Variants in NRXN2 observed in about 807,000 individuals in gnomAD.
The protein encoded by NRXN2 is neurexin-2-beta.
NRXN2 carries 29 observed loss-of-function variants against 128.8 expected under a neutral mutation model. The observed-to-expected ratio is 0.23, with a 90% CI of 0.17 to 0.31. The LOEUF is 0.31. Ranked by LOEUF, NRXN2 falls within the 10% of genes least tolerant of loss-of-function variation. The pLI is 1.00. For synonymous variants in NRXN2, 1,098 were observed against 1,075.2 expected (o/e 1.02, Z -0.41); for missense variants, 1,881 against 2,452.6 (o/e 0.77, Z 4.92).
Position 64,652,246 on chromosome 11 carries a change from C to G in NRXN2, c.2417-92G>C. 4 of 1,485,656 alleles carry G rather than the reference C, an allele frequency of 2.7e-6. No individual in the cohort carries two copies. In the South Asian group the frequency reaches 3.6e-5, roughly 13 times the overall value. 92.0% of individuals were successfully genotyped at this position (1,485,656 alleles called of 1,614,324 possible). Reference sequence around the variant, plus strand: ...TTGGATACACAGACAGCCTCCCCATCCCCGCACATGCCACACATGAACACA... The same window carrying G: ...TTGGATACACAGACAGCCTCCCCATGCCCGCACATGCCACACATGAACACA... On this transcript the variant is annotated intron_variant, in intron 12 of 22. Coordinates refer to ENST00000265459, the MANE Select transcript of NRXN2 (RefSeq NM_015080.4).
intron 22 of NRXN2, among the ~76,000 whole-genome samples, chr11:64,609,737 AG>A (rs2040325737): frequency 6.6e-6 from 1 of 152,170 alleles, no homozygotes. Context: ...CTCCTCTTGC[AG>A]GGGCACCTCT....
chr11:64,615,304 A>G (rs1337981964), intron 22 of NRXN2, among the ~76,000 whole-genome samples: 1 of 152,282 alleles, frequency 6.6e-6, no homozygotes, highest in Non-Finnish European at 1.5e-5. Context: ...GTGGCCCACC[A>G]ATCAGGAACA....
Position 64,661,069 on chromosome 11 carries a change from C to T in NRXN2, c.1869G>A (p.Glu623=). 1.9e-6 allele frequency: 3 copies of T among 1,613,528 alleles called. No individual in the cohort carries two copies. The highest frequency in any genetic ancestry group is 1.1e-5 in the South Asian group (1 of 91,088). Reference sequence around the variant, plus strand: ...GGAGACCGCCCAGGTACAGCTCACTCTCCAGGTCCAGAATCTCGCTGTCTC... The same window carrying T: ...GGAGACCGCCCAGGTACAGCTCACTTTCCAGGTCCAGAATCTCGCTGTCTC... ...ATGDSEILDL[E]SELYLGGLPE... The change falls in exon 10 of 23, where the codon GAG becomes GAA. Residue 623 remains glutamate, a synonymous_variant. Coordinates refer to ENST00000265459, the MANE Select transcript of NRXN2 (RefSeq NM_015080.4).
intron 17 of NRXN2, chr11:64,642,711 TGGCGGCGGCGGCGGTGGA>T: frequency 2.0e-6 from 3 of 1,469,400 alleles, no homozygotes; most frequent in Non-Finnish European, 2.7e-6. Flanking sequence ...GCAGCAGAGG[TGGCGGCGGCGGCGGTGGA>T]GGCGGCGGCA....
intron 9 of NRXN2, among the ~76,000 whole-genome samples, chr11:64,662,680 G>C (rs931346477): frequency 6.6e-6 from 1 of 151,164 alleles, no homozygotes; most frequent in African/African-American, 2.4e-5. Flanking sequence ...TACTCAGGAG[G>C]CTAAGGCAGG....
intron 22 of NRXN2, among the ~76,000 whole-genome samples, chr11:64,611,920 T>TC (rs2135273453): frequency 9.3e-6 from 1 of 107,736 alleles, no homozygotes; most frequent in South Asian, 3.3e-4. Flanking sequence ...CTGCCATGAC[T>TC]CCCCCTCGGT....
At chr11:64,712,592 G>C in intron 2 of NRXN2, 1 of 407,626 alleles carries the variant, frequency 2.5e-6, no homozygotes, top group Non-Finnish European at 5.1e-6. Context: ...CCTTTAATGG[G>C]CCCTGTCCAC....
At chr11:64,676,421 C>A in intron 7 of NRXN2, 1 of 163,034 alleles carries the variant, frequency 6.1e-6, no homozygotes, top group Non-Finnish European at 1.3e-5. Context: ...AAGGCCATGC[C>A]CTCCACCCCT....
At chr11:64,659,825 A>G (rs2048768974) in intron 11 of NRXN2, 1 of 222,050 alleles carries the variant, frequency 4.5e-6, no homozygotes, top group Admixed American at 5.2e-5. Flanking sequence ...TCCACACACC[A>G]ACACACAGAC....
In NRXN2 at chr11:64,630,522, T is replaced by C; in HGVS notation, c.3637A>G (p.Ile1213Val). 2 of 1,614,032 alleles carry C rather than the reference T, an allele frequency of 1.2e-6. No individual in the cohort carries two copies. ...CTTACTATGGCGTTGGGCTCGTCGATGGTAATGTCGTCCGTGCCCACGTTA... is the reference window on the plus strand; with the variant it reads ...CTTACTATGGCGTTGGGCTCGTCGACGGTAATGTCGTCCGTGCCCACGTTA... ...IFNVGTDDIT[I>V]DEPNAIVSDG... Residue 1213 changes from isoleucine to valine, a missense_variant, in exon 19 of 23, where the codon ATC (isoleucine) becomes GTC (valine). This residue lies in a region of NRXN2 where 390 missense variants were observed against 599.6 expected (regional missense o/e 0.65). Coordinates refer to ENST00000265459, the MANE Select transcript of NRXN2 (RefSeq NM_015080.4). This position sits in a 1 kb window ranked among gnomAD's most constrained non-coding sequence, Gnocchi z 4.6.
chr11:64,610,087 A>G (rs1039397085), intron 22 of NRXN2, among the ~76,000 whole-genome samples: 6 of 151,886 alleles, frequency 4.0e-5, no homozygotes, highest in Admixed American at 2.0e-4. Context: ...AATGTTACAG[A>G]GCTGTCCTTG....
At position 64,630,637 on chromosome 11, in the gene NRXN2, A is replaced by G. The variant is rs563970130; in HGVS notation, c.3586-64T>C. Reference sequence around the variant, plus strand: ...CAACCATTCATCCCTTCTAGTGGCTACTCCTGTGACCACCACTAGCCCAGC... The same window carrying G: ...CAACCATTCATCCCTTCTAGTGGCTGCTCCTGTGACCACCACTAGCCCAGC... On this transcript the variant is annotated intron_variant, in intron 18 of 22. Coordinates refer to ENST00000265459, the MANE Select transcript of NRXN2 (RefSeq NM_015080.4). This position sits in a 1 kb window ranked among gnomAD's most constrained non-coding sequence, Gnocchi z 4.6. 251 of 1,579,976 alleles carry G rather than the reference A, an allele frequency of 1.6e-4. No homozygotes were observed. The highest frequency in any genetic ancestry group is 2.1e-4 in the Non-Finnish European group (244 of 1,153,970).
intron 5 of NRXN2, among the ~76,000 whole-genome samples, chr11:64,689,193 C>G (rs1024253088): frequency 6.6e-6 from 1 of 151,978 alleles, no homozygotes; most frequent in African/African-American, 2.4e-5. Flanking sequence ...CAGTTGGTAA[C>G]TTTCTGCTAG....
At chr11:64,691,170 G>A (rs1452261982) in intron 4 of NRXN2, among the ~76,000 whole-genome samples, 1 of 152,158 alleles carries the variant, frequency 6.6e-6, no homozygotes, top group Non-Finnish European at 1.5e-5. Context: ...TGTAATTCCT[G>A]TCTGTTCTTC....
chr11:64,630,098 T>C lies in NRXN2; in HGVS notation c.3757+304A>G. 6.7e-6 allele frequency among the ~76,000 whole-genome samples: 1 copy of C among 150,264 alleles called. No homozygotes were observed. Among genetic ancestry groups the C allele is most frequent in the Non-Finnish European group, 1.5e-5 (1 of 67,566 alleles). The stretch of plus-strand genomic sequence containing the variant: ...TCCTCACCTCTACCCTCCCTCCACT[T>C]CTCCCCCCACCCCCAAACTGGACCC... On this transcript the variant is annotated intron_variant, in intron 19 of 22. Coordinates refer to ENST00000265459, the MANE Select transcript of NRXN2 (RefSeq NM_015080.4). The surrounding 1 kb of genome is among the most constrained non-coding windows in gnomAD (Gnocchi z 4.6).
At chr11:64,687,321 G>T (rs575813080) in intron 5 of NRXN2, among the ~76,000 whole-genome samples, 138 of 152,282 alleles carry the variant, frequency 9.1e-4, no homozygotes, top group Non-Finnish European at 1.4e-3. Flanking sequence ...GGCGGGGGGG[G>T]AGTTTCGGAG....
intron 12 of NRXN2, among the ~76,000 whole-genome samples, chr11:64,652,931 C>CA (rs1409727091): frequency 2.0e-5 from 3 of 152,006 alleles, no homozygotes; most frequent in African/African-American, 7.2e-5. Flanking sequence ...CCTGCCCCCC[C>CA]ACCCCGAGGG....
At position 64,622,422 on chromosome 11, in the gene NRXN2, T is replaced by A. The variant is rs563825927; in HGVS notation, c.4173+331A>T. ...GGGGAAGCAGAAGGAGCCATCCTAC[T>A]CTCACCCCAAGTCCAGACTTCATCT... is the stretch of plus-strand genomic sequence containing the variant. On this transcript the variant is annotated intron_variant, in intron 21 of 22. Transcript: ENST00000265459. This position sits in a 1 kb window ranked among gnomAD's most constrained non-coding sequence, Gnocchi z 4.3. Among the ~76,000 whole-genome samples, 378 of 152,308 alleles carry A rather than the reference T, an allele frequency of 2.5e-3. 2 individuals carry two copies. The highest frequency in any genetic ancestry group is 3.8e-3 in the Non-Finnish European group (258 of 68,008).
chr11:64,691,729 G>A (rs1284509266), intron 4 of NRXN2, among the ~76,000 whole-genome samples: 1 of 151,894 alleles, frequency 6.6e-6, no homozygotes, highest in Non-Finnish European at 1.5e-5. Context: ...CTCTCCATTT[G>A]GGACTTCCTC....
Sources: allele counts gnomAD v4.1 joint callset (sites outside exome capture counted in the v4.1 genomes callset), GRCh38; gene constraint gnomAD v4.1.1; regional missense constraint gnomAD v4.1.1; non-coding constraint Gnocchi (gnomAD v3.1); transcripts MANE v1.5; gene names NCBI Gene and HGNC (gene_info 2026-07-23, HGNC 2026-07-21).